DCLK1: variants seen among roughly 807,000 people sequenced by gnomAD.
DCLK1 encodes doublecortin like kinase 1, also known as serine/threonine-protein kinase DCLK1.
Under a neutral mutation model 86.2 loss-of-function variants are expected in DCLK1, and 16 were observed. The ratio of observed to expected loss-of-function variants is 0.19; its 90% CI spans 0.13 to 0.28. The LOEUF is 0.28. Ranked by LOEUF, DCLK1 falls within the 10% of genes least tolerant of loss-of-function variation. The pLI, the probability that DCLK1 is intolerant of heterozygous loss-of-function variation, is 1.00. For missense variants in DCLK1, 590 were observed against 940.2 expected (o/e 0.63, Z 4.87); for synonymous variants, 369 against 370.5 (o/e 1.00, Z 0.05).
chr13:36,074,862 C>G (rs934677511), intron 3 of DCLK1, among the ~76,000 whole-genome samples: 5 of 152,188 alleles, frequency 3.3e-5, no homozygotes, highest in Non-Finnish European at 7.3e-5. Flanking sequence ...TGCTCCTTAG[C>G]AACCAATGTC....
At chr13:35,914,000 A>G (rs981196899) in intron 4 of DCLK1, among the ~76,000 whole-genome samples, 1 of 152,054 alleles carries the variant, frequency 6.6e-6, no homozygotes, top group Non-Finnish European at 1.5e-5. Context: ...TATAGGAAAG[A>G]GGTACGAATT....
At chr13:36,124,695 T>C (rs1886107473) in intron 2 of DCLK1, among the ~76,000 whole-genome samples, 1 of 152,206 alleles carries the variant, frequency 6.6e-6, no homozygotes, top group East Asian at 1.9e-4. Context: ...CCAGTTGAGT[T>C]ACACGGCCTG....
intron 5 of DCLK1, among the ~76,000 whole-genome samples, chr13:35,865,596 C>A (rs956315079): frequency 3.2e-4 from 49 of 152,152 alleles, no homozygotes; most frequent in African/African-American, 1.1e-3. Flanking sequence ...TCTGTGAGGC[C>A]TTGACTCCTA....
At chr13:36,082,481 G>A (rs372585279) in intron 3 of DCLK1, among the ~76,000 whole-genome samples, 1 of 152,272 alleles carries the variant, frequency 6.6e-6, no homozygotes, top group East Asian at 1.9e-4. Context: ...TTTTAACTGT[G>A]TGGGAGGTTG....
At chr13:35,848,283 C>T in intron 6 of DCLK1, 4 of 984,540 alleles carry the variant, frequency 4.1e-6, no homozygotes, top group Non-Finnish European at 4.8e-6. Flanking sequence ...TTCTGTTCCA[C>T]CAATGAACTG....
chr13:36,002,020 G>C lies in DCLK1; in HGVS notation c.724-54563C>G, dbSNP rs187906737. ...CCCCTTTTAGGAGGATGATGAAGTT[G>C]GGTTAAAAAAAAAATCTCTCTTTAA... is the stretch of plus-strand genomic sequence containing the variant. On this transcript the variant is annotated intron_variant, in intron 3 of 16. Coordinates refer to ENST00000360631, the MANE Select transcript of DCLK1 (RefSeq NM_001330071.2). 4.4e-3 allele frequency among the ~76,000 whole-genome samples: 649 copies of C among 148,178 alleles called. 2 individuals carry two copies. Among genetic ancestry groups the C allele is most frequent in the Non-Finnish European group, 7.7e-3 (522 of 67,400 alleles).
At chr13:36,086,871 T>C (rs2138126010) in intron 3 of DCLK1, among the ~76,000 whole-genome samples, 1 of 152,282 alleles carries the variant, frequency 6.6e-6, no homozygotes, top group African/African-American at 2.4e-5. Context: ...AGTCTATCAT[T>C]GATGGGAATT....
intron 3 of DCLK1, among the ~76,000 whole-genome samples, chr13:36,071,898 T>C (rs1316962020): frequency 6.6e-6 from 1 of 152,188 alleles, no homozygotes; most frequent in African/African-American, 2.4e-5. Flanking sequence ...AGCTGAGAGC[T>C]TGCAAATCAA....
chr13:35,849,011 G>A, intron 6 of DCLK1: 9 of 985,336 alleles, frequency 9.1e-6, no homozygotes, highest in Non-Finnish European at 1.1e-5. Flanking sequence ...ATTATGAACT[G>A]TTCTTTCAAG....
intron 3 of DCLK1, among the ~76,000 whole-genome samples, chr13:36,019,358 C>A (rs752548048): frequency 6.6e-6 from 1 of 152,176 alleles, no homozygotes; most frequent in Non-Finnish European, 1.5e-5. Flanking sequence ...TTCTACTGAA[C>A]CTTTCTCCTT....
intron 2 of DCLK1, among the ~76,000 whole-genome samples, chr13:36,120,257 C>CA (rs1204011341): frequency 6.6e-6 from 1 of 151,774 alleles, no homozygotes; most frequent in Non-Finnish European, 1.5e-5. Context: ...ATCTACACGG[C>CA]AAAAAACACA....
intron 4 of DCLK1, among the ~76,000 whole-genome samples, chr13:35,879,025 A>T (rs1270867165): frequency 6.6e-6 from 1 of 152,100 alleles, no homozygotes; most frequent in East Asian, 1.9e-4. Context: ...ACCTTAGGTG[A>T]TCTGCCCACC....
intron 3 of DCLK1, among the ~76,000 whole-genome samples, chr13:36,000,786 G>A (rs1032021197): frequency 2.6e-5 from 4 of 152,038 alleles, no homozygotes; most frequent in African/African-American, 4.8e-5. Flanking sequence ...GCAGGATCAC[G>A]TATTATCTGA....
At chr13:35,931,114 G>C (rs73521580) in intron 4 of DCLK1, among the ~76,000 whole-genome samples, 5,866 of 152,254 alleles carry the variant, frequency 0.039, 395 homozygotes, top group African/African-American at 0.13. Flanking sequence ...GTGAGTGTTA[G>C]CATACCTTTT....
Position 35,771,274 on chromosome 13 carries a change from G to A in DCLK1, c.*3261C>T, listed in dbSNP as rs1156993815. On this transcript the variant is annotated 3_prime_UTR_variant, in exon 17 of 17. Coordinates refer to ENST00000360631, the MANE Select transcript of DCLK1 (RefSeq NM_001330071.2). ...TGCTTTCTTTCAACAATATCTGATG[G>A]GCCTGTTAACTGCCACCCATGGGGA... The A allele has an allele frequency of 6.6e-6, 1 of 152,030 alleles. No individual in the cohort carries two copies. The highest frequency in any genetic ancestry group is 6.5e-5 in the Admixed American group (1 of 15,272). The allele number at this position is 152,030 out of a possible 1,614,324, so 9.4% of individuals were successfully genotyped here.
intron 4 of DCLK1, among the ~76,000 whole-genome samples, chr13:35,904,586 G>A (rs1382076009): frequency 6.6e-6 from 1 of 152,212 alleles, no homozygotes; most frequent in Non-Finnish European, 1.5e-5. Context: ...GGGGAAAGTG[G>A]TGGGTGCTGG....
intron 16 of DCLK1, 50 bp from the exon 17 acceptor site, chr13:35,774,749 G>C (rs369942727): frequency 2.6e-6 from 4 of 1,567,996 alleles, no homozygotes; most frequent in Non-Finnish European, 2.6e-6. Context: ...GAGGGAAATG[G>C]CAAAACAAAC....
chr13:35,896,709 C>T (rs1372187281), intron 4 of DCLK1, among the ~76,000 whole-genome samples: 1 of 151,908 alleles, frequency 6.6e-6, no homozygotes, highest in African/African-American at 2.4e-5. Context: ...TGCACTCGGC[C>T]TTGGCAGGAT....
chr13:35,793,275 CTG>C (rs1451481247), intron 16 of DCLK1, 89 bp downstream of exon 16: 5 of 953,642 alleles, frequency 5.2e-6, no homozygotes, highest in Non-Finnish European at 7.9e-6. Flanking sequence ...ACCCATTCTG[CTG>C]TCTCTGACTG....
Sources: allele counts gnomAD v4.1 joint callset (sites outside exome capture counted in the v4.1 genomes callset), GRCh38; gene constraint gnomAD v4.1.1; transcripts MANE v1.5; gene names NCBI Gene and HGNC (gene_info 2026-07-23, HGNC 2026-07-21).